The following ENTHD1 variants were observed in gnomAD, a reference collection of about 807,000 sequenced individuals.
ENTHD1 encodes ENTH domain containing 1, also known as ENTH domain-containing protein 1.
Under a neutral mutation model 39.1 loss-of-function variants are expected in ENTHD1, and 23 were observed. The observed-to-expected ratio is 0.59, with a 90% CI of 0.42 to 0.83. ENTHD1 has a LOEUF of 0.83. ENTHD1 is among the 40% of genes least tolerant of loss of function. The pLI is 0.00. For synonymous variants in ENTHD1, 230 were observed against 258.2 expected (o/e 0.89, Z 1.05); for missense variants, 624 against 705.4 (o/e 0.88, Z 1.31).
At chr22:39,750,859 A>C (rs2065142161) in intron 6 of ENTHD1, 1 of 160,770 alleles carries the variant, frequency 6.2e-6, no homozygotes. Flanking sequence ...CCATACAACT[A>C]GGATCTAATA....
chr22:39,806,939 G>T (rs565102709), intron 5 of ENTHD1, among the ~76,000 whole-genome samples: 2 of 152,250 alleles, frequency 1.3e-5, no homozygotes, highest in Non-Finnish European at 2.9e-5. Flanking sequence ...GGTGTTTGGG[G>T]GAAGCAGTTC....
At chr22:39,832,105 G>T (rs1178268309) in intron 4 of ENTHD1, among the ~76,000 whole-genome samples, 1 of 152,112 alleles carries the variant, frequency 6.6e-6, no homozygotes, top group Non-Finnish European at 1.5e-5. Flanking sequence ...ATCACTTGAG[G>T]CCAGGAGTTC....
chr22:39,841,871 G>C (rs999832855), intron 3 of ENTHD1, among the ~76,000 whole-genome samples: 3 of 152,134 alleles, frequency 2.0e-5, no homozygotes, highest in Non-Finnish European at 4.4e-5. Flanking sequence ...GCAGCGGCTG[G>C]TACTGGTTGT....
At chr22:39,850,274 A>G (rs2066024703) in intron 3 of ENTHD1, among the ~76,000 whole-genome samples, 1 of 152,210 alleles carries the variant, frequency 6.6e-6, no homozygotes, top group Non-Finnish European at 1.5e-5. Flanking sequence ...ATTCACATTT[A>G]GAAATACTAC....
intron 5 of ENTHD1, among the ~76,000 whole-genome samples, chr22:39,792,265 G>A (rs1288892487): frequency 6.6e-6 from 1 of 152,044 alleles, no homozygotes; most frequent in Non-Finnish European, 1.5e-5. Flanking sequence ...TAGTGGGATT[G>A]CTGGGCCAAT....
intron 3 of ENTHD1, among the ~76,000 whole-genome samples, chr22:39,857,920 CT>C (rs940389666): frequency 2.6e-5 from 4 of 152,140 alleles, no homozygotes; most frequent in Non-Finnish European, 4.4e-5. Context: ...GGTGGAGGGT[CT>C]TGTCTCCATG....
At position 39,746,600 on chromosome 22, in the gene ENTHD1, GC is replaced by G. The variant is rs569023125; in HGVS notation, c.1220-2318del. Reference sequence around the variant, plus strand: ...TGTGTATGGCACTTGTCAACTTTGAGCTTCAGTGAATAGTCATTTGTTGGGG... The same window carrying G: ...TGTGTATGGCACTTGTCAACTTTGAGTTCAGTGAATAGTCATTTGTTGGGG... On this transcript the variant is annotated intron_variant, in intron 6 of 6. Transcript: ENST00000325157. Among the ~76,000 whole-genome samples the G allele has an allele frequency of 1.5e-3, 230 of 152,290 alleles. 3 individuals carry two copies. Among genetic ancestry groups the G allele is most frequent in the Non-Finnish European group, 2.2e-3 (149 of 68,016 alleles).
At position 39,867,192 on chromosome 22, in the gene ENTHD1, C is replaced by T. The variant is rs1238470791; in HGVS notation, c.350-5185G>A. 2.0e-5 allele frequency among the ~76,000 whole-genome samples: 3 copies of T among 152,130 alleles called. No homozygotes were observed. The highest frequency in any genetic ancestry group is 4.4e-5 in the Non-Finnish European group (3 of 68,028). On this transcript the variant is annotated intron_variant, in intron 2 of 6. Transcript: ENST00000325157. This position sits in a 1 kb window ranked among gnomAD's most constrained non-coding sequence, Gnocchi z 4.5. The stretch of plus-strand genomic sequence containing the variant: ...TGCTGGGATTACAGGCGTGAGCCAC[C>T]GCGCCCGGCCCGAGAAATCTATATA...
chr22:39,804,358 T>C (rs2065623861), intron 5 of ENTHD1, among the ~76,000 whole-genome samples: 1 of 150,240 alleles, frequency 6.7e-6, no homozygotes, highest in South Asian at 2.1e-4. Flanking sequence ...AGGTGGCACA[T>C]GCCTCTAGTC....
intron 4 of ENTHD1, among the ~76,000 whole-genome samples, chr22:39,830,046 G>A (rs1221011045): frequency 1.3e-5 from 2 of 151,892 alleles, no homozygotes; most frequent in African/African-American, 4.8e-5. Context: ...ATGCCCTGTT[G>A]TCTTATCTTT....
At chr22:39,841,696 C>T (rs375333273) in intron 3 of ENTHD1, among the ~76,000 whole-genome samples, 1 of 149,720 alleles carries the variant, frequency 6.7e-6, no homozygotes, top group Admixed American at 6.6e-5. Flanking sequence ...ATCCAATTTG[C>T]CAGTCTGTGT....
intron 2 of ENTHD1, among the ~76,000 whole-genome samples, chr22:39,866,239 T>C (rs1601654152): frequency 6.6e-6 from 1 of 152,096 alleles, no homozygotes; most frequent in Non-Finnish European, 1.5e-5. Context: ...GAAATCAAAT[T>C]AGTAGAGCAA....
intron 4 of ENTHD1, among the ~76,000 whole-genome samples, chr22:39,823,660 C>A (rs944815205): frequency 1.1e-4 from 16 of 152,134 alleles, no homozygotes; most frequent in African/African-American, 3.9e-4. Context: ...CCTAGATGTT[C>A]ATATCTCTGG....
intron 3 of ENTHD1, among the ~76,000 whole-genome samples, chr22:39,848,100 G>T (rs2066005276): frequency 6.6e-6 from 1 of 152,072 alleles, no homozygotes; most frequent in Admixed American, 6.6e-5. Flanking sequence ...GGCAACCAGG[G>T]GCCACTCTCA....
At chr22:39,822,720 C>T (rs1488567736) in intron 4 of ENTHD1, among the ~76,000 whole-genome samples, 1 of 152,094 alleles carries the variant, frequency 6.6e-6, no homozygotes, top group Non-Finnish European at 1.5e-5. Context: ...ATTCATTATT[C>T]CTGGATACTA....
At chr22:39,863,524 C>A (rs762025989) in intron 2 of ENTHD1, among the ~76,000 whole-genome samples, 67 of 152,150 alleles carry the variant, frequency 4.4e-4, no homozygotes, top group Non-Finnish European at 8.4e-4. Flanking sequence ...GTTGAATTCC[C>A]AGATACAAAG....
intron 6 of ENTHD1, among the ~76,000 whole-genome samples, chr22:39,752,791 C>G (rs1368278938): frequency 6.6e-6 from 1 of 152,128 alleles, no homozygotes; most frequent in Admixed American, 6.6e-5. Context: ...ACAAGAGTTG[C>G]TGGGGCTTCC....
In ENTHD1 at chr22:39,875,393, C is replaced by T; in HGVS notation, c.349+12007G>A. The T allele has an allele frequency of 2.8e-6, 4 of 1,446,018 alleles. No individual in the cohort carries two copies. In the South Asian group the frequency reaches 4.4e-5, roughly 16 times the overall value. 89.6% of individuals were successfully genotyped at this position (1,446,018 alleles called of 1,614,324 possible). A position where few individuals can be genotyped will look rare whatever the true frequency, so the allele number is the denominator to read the frequency against. On this transcript the variant is annotated intron_variant, in intron 2 of 6. Coordinates refer to ENST00000325157, the MANE Select transcript of ENTHD1 (RefSeq NM_152512.4). ...GCGGCCCTTGGTGCAGGCCACGGTG[C>T]CCGCCACCCCGGAGCAGCCTGTGTT...
chr22:39,867,219 A>G lies in ENTHD1; in HGVS notation c.350-5212T>C, dbSNP rs1180403140. On this transcript the variant is annotated intron_variant, in intron 2 of 6. Coordinates refer to ENST00000325157, the MANE Select transcript of ENTHD1 (RefSeq NM_152512.4). The surrounding 1 kb of genome is among the most constrained non-coding windows in gnomAD (Gnocchi z 4.5). Reference sequence around the variant, plus strand: ...CGCCCGGCCCGAGAAATCTATATACATTTACAGCTGACCATCGTGTAAAGA... The same window carrying G: ...CGCCCGGCCCGAGAAATCTATATACGTTTACAGCTGACCATCGTGTAAAGA... Among the ~76,000 whole-genome samples, 1 of 152,178 alleles carries G rather than the reference A, an allele frequency of 6.6e-6. No individual in the cohort carries two copies. The highest frequency in any genetic ancestry group is 2.4e-5 in the African/African-American group (1 of 41,432).
Sources: gnomAD v4.1 joint callset for allele counts (sites outside exome capture counted in the v4.1 genomes callset) on GRCh38, gnomAD v4.1.1 for gene constraint, Gnocchi (gnomAD v3.1) non-coding constraint, MANE v1.5 for transcripts, NCBI Gene and HGNC (gene_info 2026-07-23, HGNC 2026-07-21) for gene names.